The following AKT2 variants were observed in gnomAD, a reference collection of about 807,000 sequenced individuals.
AKT2 encodes RAC-beta serine/threonine-protein kinase.
In AKT2, 16 loss-of-function variants were observed where a neutral mutation model predicts 58.6. That is an observed-to-expected ratio of 0.27 (90% confidence interval 0.18 to 0.41). AKT2 has a LOEUF of 0.41. Among genes scored for constraint, AKT2 ranks in the 10% least tolerant of loss-of-function variants. The probability of loss-of-function intolerance (pLI) is 1.00; values close to 1 mark genes in which losing one functional copy is unlikely to be tolerated. For synonymous variants in AKT2, 253 were observed against 254.0 expected (o/e 1.00, Z 0.04); for missense variants, 438 against 661.0 (o/e 0.66, Z 3.70).
Position 40,242,492 on chromosome 19 carries a change from G to A in AKT2, c.441+42C>T, listed in dbSNP as rs1240428185. 6.2e-7 allele frequency: 1 copy of A among 1,611,062 alleles called. No homozygotes were observed. Among genetic ancestry groups the A allele is most frequent in the Non-Finnish European group, 8.5e-7 (1 of 1,179,526 alleles). On this transcript the variant is annotated intron_variant, in intron 5 of 13. Coordinates refer to ENST00000392038, the MANE Select transcript of AKT2 (RefSeq NM_001626.6). The surrounding 1 kb of genome is among the most constrained non-coding windows in gnomAD (Gnocchi z 4.3). ...GAGCAGGCCAGCACTGGGGGTGGGG[G>A]CACCGCAGGCTGGCAGCCCCACCCC...
intron 2 of AKT2, among the ~76,000 whole-genome samples, chr19:40,263,630 C>T (rs982700161): frequency 6.6e-6 from 1 of 152,170 alleles, no homozygotes; most frequent in African/African-American, 2.4e-5. Flanking sequence ...ACCTTAAAAG[C>T]CATCTCTGTC....
rs1184171511 is a variant in AKT2, at chr19:40,231,249, T to C, written c.*2623A>G. 2 of 231,968 alleles carry C rather than the reference T, an allele frequency of 8.6e-6. No homozygotes were observed. The highest frequency in any genetic ancestry group is 4.4e-5 in the African/African-American group (2 of 45,224). 14.4% of individuals were successfully genotyped at this position (231,968 alleles called of 1,614,324 possible). ...GAAGAGGAGAGAGGCACTAAAAAGATGAGGTAGCCAGGCCTGTGCCCACAC... is the reference window on the plus strand; with the variant it reads ...GAAGAGGAGAGAGGCACTAAAAAGACGAGGTAGCCAGGCCTGTGCCCACAC... On this transcript the variant is annotated 3_prime_UTR_variant, in exon 14 of 14. Coordinates refer to ENST00000392038, the MANE Select transcript of AKT2 (RefSeq NM_001626.6).
intron 7 of AKT2, 159 bp from the exon 8 acceptor site, chr19:40,239,132 C>A (rs1974218785): frequency 3.2e-6 from 2 of 626,370 alleles, no homozygotes. Flanking sequence ...ACCGGCTGCA[C>A]CTTTTGGGGC....
intron 2 of AKT2, 87 bp downstream of exon 2, chr19:40,265,135 A>AC (rs1976252491): frequency 6.5e-7 from 1 of 1,549,662 alleles, no homozygotes; most frequent in East Asian, 2.4e-5. Flanking sequence ...GGCTGGTAAG[A>AC]CCCTCCGCCT....
At position 40,237,791 on chromosome 19, in the gene AKT2, T is replaced by C. The variant is rs1974122550; in HGVS notation, c.831+178A>G. 2.3e-6 allele frequency: 2 copies of C among 865,900 alleles called. No homozygotes were observed. Among genetic ancestry groups the C allele is most frequent in the East Asian group, 2.9e-5 (1 of 34,530 alleles). 53.6% of individuals were successfully genotyped at this position (865,900 alleles called of 1,614,324 possible). A position where few individuals can be genotyped will look rare whatever the true frequency, so the allele number is the denominator to read the frequency against. On this transcript the variant is annotated intron_variant, in intron 9 of 13. Transcript: ENST00000392038. This position sits in a 1 kb window ranked among gnomAD's most constrained non-coding sequence, Gnocchi z 4.5. ...GGACCTTGGTGGGGAGCCTGGTGAA[T>C]GAGGGCAGCCACCACCCTGGACCTT...
intron 4 of AKT2, among the ~76,000 whole-genome samples, chr19:40,253,009 T>A (rs1408797491): frequency 1.3e-5 from 2 of 152,220 alleles, no homozygotes; most frequent in Non-Finnish European, 2.9e-5. Flanking sequence ...ATAGTATAGA[T>A]TATAGTAACA....
intron 1 of AKT2, among the ~76,000 whole-genome samples, chr19:40,267,476 C>T (rs1976441167): frequency 6.6e-6 from 1 of 152,206 alleles, no homozygotes; most frequent in Non-Finnish European, 1.5e-5. Context: ...TCTTCTCTCT[C>T]TTCCTTGAGG....
chr19:40,283,176 T>C (rs2077454238), intron 1 of AKT2: 1 of 152,428 alleles, frequency 6.6e-6, no homozygotes, highest in South Asian at 2.1e-4. Context: ...TGAGATGCTG[T>C]TTTCTCATCT....
At chr19:40,274,681 G>A (rs562124134) in intron 1 of AKT2, 36 of 250,516 alleles carry the variant, frequency 1.4e-4, no homozygotes, top group African/African-American at 7.9e-4. Context: ...AAGCAGGTGA[G>A]AGAGCCGGGG....
intron 1 of AKT2, among the ~76,000 whole-genome samples, chr19:40,277,820 T>G (rs541663143): frequency 6.6e-6 from 1 of 152,086 alleles, no homozygotes; most frequent in Non-Finnish European, 1.5e-5. Flanking sequence ...CCACCTCCGA[T>G]CGCATCCAGA....
Position 40,272,379 on chromosome 19 carries a change from A to C in AKT2, c.-84-7028T>G, listed in dbSNP as rs193070679. Reference sequence around the variant, plus strand: ...CAGGGAAGGGCTCAGCACAGCACCCAGCACGTGGAGACGGTCTGGCCACAC... The same window carrying C: ...CAGGGAAGGGCTCAGCACAGCACCCCGCACGTGGAGACGGTCTGGCCACAC... On this transcript the variant is annotated intron_variant, in intron 1 of 13. Transcript: ENST00000392038. Among the ~76,000 whole-genome samples the C allele has an allele frequency of 1.5e-4, 23 of 152,314 alleles. No individual in the cohort carries two copies. In the East Asian group the frequency reaches 3.9e-3, roughly 26 times the overall value.
intron 3 of AKT2, among the ~76,000 whole-genome samples, chr19:40,256,245 G>A (rs1453863383): frequency 5.3e-5 from 8 of 152,172 alleles, no homozygotes; most frequent in Non-Finnish European, 1.2e-4. Flanking sequence ...AGCGTGGGAC[G>A]GGGACTGGGT....
intron 2 of AKT2, among the ~76,000 whole-genome samples, chr19:40,260,593 G>A (rs1280987391): frequency 2.7e-5 from 3 of 110,646 alleles, no homozygotes; most frequent in Admixed American, 1.4e-4. Flanking sequence ...TCACGCCACT[G>A]CACTCCAGCC....
chr19:40,240,749 C>T (rs1362883080), intron 6 of AKT2: 2 of 180,542 alleles, frequency 1.1e-5, no homozygotes, highest in Non-Finnish European at 2.4e-5. Flanking sequence ...AGTTTATCCC[C>T]AGGGGACACC....
rs947787477 is a variant in AKT2, at chr19:40,232,609, G to A, written c.*1263C>T. 8.6e-6 allele frequency: 2 copies of A among 233,130 alleles called. No homozygotes were observed. The highest frequency in any genetic ancestry group is 6.0e-5 in the East Asian group (1 of 16,580). 14.4% of individuals were successfully genotyped at this position (233,130 alleles called of 1,614,324 possible). ...GCAGGGCAGCTCATGGATCACAGTG[G>A]GGCTCCTCCCACTAGGTCAGCACCC... is the stretch of plus-strand genomic sequence containing the variant. On this transcript the variant is annotated 3_prime_UTR_variant, in exon 14 of 14. Transcript: ENST00000392038.
chr19:40,275,324 C>G, intron 1 of AKT2: 1 of 456,544 alleles, frequency 2.2e-6, no homozygotes, highest in Non-Finnish European at 4.4e-6. Flanking sequence ...CCCTGACCCA[C>G]GTCGCTCTGC....
At position 40,242,685 on chromosome 19, in the gene AKT2, T is replaced by C. The variant is rs1434565896; in HGVS notation, c.290A>G (p.Glu97Gly). The C allele has an allele frequency of 6.2e-7, 1 of 1,610,672 alleles. No individual in the cohort carries two copies. The highest frequency in any genetic ancestry group is 1.3e-5 in the African/African-American group (1 of 74,854). ...TFHVDSPDER[E>G]EWMRAIQMVA... is the part of the protein sequence containing the mutation. Reference sequence around the variant, plus strand: ...CATCTGGATGGCCCGCATCCACTCCTCCCTGTGCAGGGACACACGTGAGTC... The same window carrying C: ...CATCTGGATGGCCCGCATCCACTCCCCCCTGTGCAGGGACACACGTGAGTC... Residue 97 changes from glutamate (E) to glycine (G), a missense_variant and splice_region_variant, in exon 5 of 14, where the codon GAG becomes GGG. By Grantham distance (98) the Glu-to-Gly change is moderately conservative (BLOSUM62 -2). Transcript: ENST00000392038. The surrounding 1 kb of genome is among the most constrained non-coding windows in gnomAD (Gnocchi z 4.3).
chr19:40,248,313 G>A (rs946028946), intron 4 of AKT2, among the ~76,000 whole-genome samples: 6 of 152,206 alleles, frequency 3.9e-5, no homozygotes, highest in Non-Finnish European at 5.9e-5. Context: ...TCACCCAGCC[G>A]GCCTGCAAAT....
At chr19:40,270,013 C>G (rs1249789567) in intron 1 of AKT2, among the ~76,000 whole-genome samples, 3 of 152,220 alleles carry the variant, frequency 2.0e-5, no homozygotes, top group Non-Finnish European at 4.4e-5. Context: ...CAGTGCCTGG[C>G]TCCCTCAGCT....
Sources: allele counts gnomAD v4.1 joint callset (sites outside exome capture counted in the v4.1 genomes callset), GRCh38; gene constraint gnomAD v4.1.1; non-coding constraint Gnocchi (gnomAD v3.1); transcripts MANE v1.5; gene names NCBI Gene and HGNC (gene_info 2026-07-23, HGNC 2026-07-21).